SPIDR: variants seen among roughly 807,000 people sequenced by gnomAD.
SPIDR encodes DNA repair-scaffolding protein.
SPIDR carries 93 observed loss-of-function variants against 104.6 expected under a neutral mutation model. The observed-to-expected ratio is 0.89, with a 90% confidence interval of 0.75 to 1.06. The LOEUF is 1.06. Ranked by LOEUF, SPIDR falls within the 50% of genes least tolerant of loss-of-function variation. The pLI is 0.00. For missense variants in SPIDR, 1,154 were observed against 1,111.2 expected (o/e 1.04, Z -0.55); for synonymous variants, 431 against 416.9 (o/e 1.03, Z -0.41).
intron 10 of SPIDR, among the ~76,000 whole-genome samples, chr8:47,644,157 C>T (rs2069769231): frequency 6.6e-6 from 1 of 152,168 alleles, no homozygotes; most frequent in South Asian, 2.1e-4. Flanking sequence ...CCAAGTTTAG[C>T]CACATGGCCA....
rs1235626972 is a variant in SPIDR at position 47,735,090 on chromosome 8, GTGTGGGTGTGTGTGTGTGTGGGT to G, written c.2605-216_2605-194del. ...CCTTCACTTGCTAAAATAAATGGGT[GTGTGGGTGTGTGTGTGTGTGGGT>G]GTGTGTGTGTGTGTGTGTGTGTAGT... is the stretch of plus-strand genomic sequence containing the variant. On this transcript the variant is annotated intron_variant, in intron 19 of 19. Coordinates refer to ENST00000297423, the MANE Select transcript of SPIDR (RefSeq NM_001080394.4). Among the ~76,000 whole-genome samples the G allele has an allele frequency of 1.2e-4, 17 of 147,446 alleles. No individual in the cohort carries two copies. In the East Asian group the frequency reaches 3.2e-3, roughly 28 times the overall value.
intron 14 of SPIDR, among the ~76,000 whole-genome samples, chr8:47,710,124 C>T (rs1226782335): frequency 6.6e-6 from 1 of 152,100 alleles, no homozygotes; most frequent in African/African-American, 2.4e-5. Flanking sequence ...GTGATCCACC[C>T]GCCTTGGTCT....
At chr8:47,476,631 CCTT>C (rs1286511659) in intron 8 of SPIDR, among the ~76,000 whole-genome samples, 29 of 152,048 alleles carry the variant, frequency 1.9e-4, no homozygotes, top group Admixed American at 1.6e-3. Flanking sequence ...CCAACCCAGT[CCTT>C]CTGATTCTTC....
intron 1 of SPIDR, among the ~76,000 whole-genome samples, chr8:47,265,209 T>TTTG (rs1225755863): frequency 3.7e-5 from 5 of 135,924 alleles, no homozygotes; most frequent in African/African-American, 1.4e-4. Context: ...TTTTTTTTTT[T>TTTG]GAGACAGTCT....
chr8:47,547,121 A>G (rs1262409526), intron 8 of SPIDR: 3 of 586,762 alleles, frequency 5.1e-6, no homozygotes, highest in South Asian at 3.1e-5. Context: ...GAATGGGATC[A>G]TTCACCTTGA....
intron 3 of SPIDR, among the ~76,000 whole-genome samples, chr8:47,289,484 A>G (rs1276621730): frequency 3.9e-5 from 6 of 152,178 alleles, no homozygotes; most frequent in African/African-American, 1.4e-4. Context: ...TATTAGGTAT[A>G]TATTCCTTTT....
At chr8:47,622,074 T>C (rs2065242922) in intron 10 of SPIDR, among the ~76,000 whole-genome samples, 1 of 152,082 alleles carries the variant, frequency 6.6e-6, no homozygotes, top group African/African-American at 2.4e-5. Context: ...AAGTAGTGTC[T>C]TAGTGGCAGG....
At chr8:47,403,419 C>G (rs1159704110) in intron 6 of SPIDR, among the ~76,000 whole-genome samples, 1 of 152,182 alleles carries the variant, frequency 6.6e-6, no homozygotes, top group Non-Finnish European at 1.5e-5. Context: ...CAAATTGTCC[C>G]TGTTTGCAGA....
At chr8:47,678,038 CAAAA>C (rs532756664) in intron 11 of SPIDR, among the ~76,000 whole-genome samples, 2 of 107,896 alleles carry the variant, frequency 1.9e-5, no homozygotes, top group Non-Finnish European at 3.9e-5. Context: ...ACCTCCACCT[CAAAA>C]AAAAAAAAAA....
At chr8:47,341,921 A>T (rs1378073911) in intron 5 of SPIDR, among the ~76,000 whole-genome samples, 1 of 151,928 alleles carries the variant, frequency 6.6e-6, no homozygotes, top group East Asian at 1.9e-4. Flanking sequence ...ACCACACAGG[A>T]CGTGTTTCTC....
chr8:47,599,135 A>G lies in SPIDR; in HGVS notation c.1483A>G (p.Arg495Gly). The change falls in exon 10 of 20, where the codon AGA becomes GGA. Residue 495 changes from arginine (R) to glycine (G), a missense_variant. Transcript: ENST00000297423. ...GCAAAGAGTGTATTCTCTTCCCAGCAGAGACAGCACCAGGGGTCAGCAGGG... is the reference window on the plus strand; with the variant it reads ...GCAAAGAGTGTATTCTCTTCCCAGCGGAGACAGCACCAGGGGTCAGCAGGG... The part of the protein sequence containing the change: ...VVQRVYSLPS[R>G]DSTRGQQGAS... The G allele has an allele frequency of 6.2e-7, 1 of 1,613,702 alleles. No homozygotes were observed. Among genetic ancestry groups the G allele is most frequent in the Non-Finnish European group, 8.5e-7 (1 of 1,179,896 alleles).
At chr8:47,446,321 G>A (rs1489152831) in intron 8 of SPIDR, among the ~76,000 whole-genome samples, 1 of 152,036 alleles carries the variant, frequency 6.6e-6, no homozygotes, top group African/African-American at 2.4e-5. Flanking sequence ...AATAAAACCT[G>A]GATAACAGCA....
intron 2 of SPIDR, among the ~76,000 whole-genome samples, chr8:47,282,918 C>T (rs1036166310): frequency 6.6e-5 from 10 of 151,354 alleles, no homozygotes; most frequent in South Asian, 2.1e-4. Context: ...TGCAATGGTG[C>T]GATATTGGCT....
At chr8:47,521,474 T>A (rs2084074959) in intron 8 of SPIDR, among the ~76,000 whole-genome samples, 1 of 150,970 alleles carries the variant, frequency 6.6e-6, no homozygotes, top group Non-Finnish European at 1.5e-5. Context: ...TCTCACTCTG[T>A]CAGCACAATC....
At chr8:47,311,497 A>T (rs1008863900) in intron 5 of SPIDR, among the ~76,000 whole-genome samples, 5 of 152,184 alleles carry the variant, frequency 3.3e-5, no homozygotes, top group African/African-American at 9.7e-5. Context: ...ACTTAAGTAC[A>T]TTATAGTGAA....
intron 10 of SPIDR, among the ~76,000 whole-genome samples, chr8:47,670,034 A>C (rs571372506): frequency 6.6e-6 from 1 of 152,278 alleles, no homozygotes; most frequent in South Asian, 2.1e-4. Context: ...ATAACATTTA[A>C]AGCAAAGTCT....
At chr8:47,381,829 CTT>C (rs1197656233) in intron 5 of SPIDR, among the ~76,000 whole-genome samples, 11 of 152,206 alleles carry the variant, frequency 7.2e-5, no homozygotes, top group Non-Finnish European at 1.2e-4. Context: ...AGACTTGAGA[CTT>C]TTGTTTTTGC....
intron 5 of SPIDR, among the ~76,000 whole-genome samples, chr8:47,363,190 T>A (rs1341729968): frequency 6.7e-6 from 1 of 149,144 alleles, no homozygotes; most frequent in Non-Finnish European, 1.5e-5. Context: ...TGTTTTTTTC[T>A]TTATCTCTCT....
At chr8:47,340,378 G>T (rs528897216) in intron 5 of SPIDR, among the ~76,000 whole-genome samples, 4 of 152,254 alleles carry the variant, frequency 2.6e-5, no homozygotes, top group African/African-American at 9.6e-5. Flanking sequence ...GCCGAGGTGG[G>T]TAGATCACTT....
Sources: allele counts gnomAD v4.1 joint callset (sites outside exome capture counted in the v4.1 genomes callset), GRCh38; gene constraint gnomAD v4.1.1; transcripts MANE v1.5; gene names NCBI Gene and HGNC (gene_info 2026-07-23, HGNC 2026-07-21).